The following LRRK1 variants were observed in gnomAD, a reference collection of about 807,000 sequenced individuals.
The protein encoded by LRRK1 is leucine-rich repeat serine/threonine-protein kinase 1.
In LRRK1, 113 loss-of-function variants were observed where a neutral mutation model predicts 209.1. The observed-to-expected ratio is 0.54, with a 90% CI of 0.46 to 0.63. The LOEUF (loss-of-function observed/expected upper bound fraction) is 0.63, where lower values mean the gene tolerates loss of function less well. Ranked by LOEUF, LRRK1 falls within the 30% of genes least tolerant of loss-of-function variation. LRRK1 has a pLI of 0.00. For missense variants in LRRK1, 2,284 were observed against 2,632.2 expected (o/e 0.87, Z 2.89); for synonymous variants, 1,144 against 1,099.7 (o/e 1.04, Z -0.80).
chr15:100,938,908 A>G (rs935988467), intron 2 of LRRK1, among the ~76,000 whole-genome samples: 5 of 151,978 alleles, frequency 3.3e-5, no homozygotes, highest in Non-Finnish European at 5.9e-5. Context: ...CCTGACTAAC[A>G]TGGAGAAACC....
chr15:101,061,186 G>T lies in LRRK1; in HGVS notation c.4695G>T (p.Val1565=), dbSNP rs368629610. 1.2e-6 allele frequency: 2 copies of T among 1,613,858 alleles called. No homozygotes were observed. Among genetic ancestry groups the T allele is most frequent in the Non-Finnish European group, 1.7e-6 (2 of 1,179,806 alleles). Residue 1565 remains valine, a synonymous_variant, in exon 30 of 34, where the codon GTG becomes GTT. Transcript: ENST00000388948. Reference sequence around the variant, plus strand: ...CCACTTACAGGAACTACACGGTGGTGAACACAGAGAAGGGCCTCATGGAGG... The same window carrying T: ...CCACTTACAGGAACTACACGGTGGTTAACACAGAGAAGGGCCTCATGGAGG... ...GKEESRNYTV[V]NTEKGLMEVQ...
intron 2 of LRRK1, among the ~76,000 whole-genome samples, chr15:100,941,257 T>C (rs1340577302): frequency 2.6e-5 from 4 of 151,402 alleles, no homozygotes; most frequent in African/African-American, 9.7e-5. Flanking sequence ...TCTGTGTGTG[T>C]GTCTGTGTCT....
At chr15:101,043,232 C>T (rs1049003035) in intron 20 of LRRK1, among the ~76,000 whole-genome samples, 2 of 152,214 alleles carry the variant, frequency 1.3e-5, no homozygotes, top group African/African-American at 4.8e-5. Context: ...ACAGTGAGGC[C>T]AGAGACCCGG....
intron 3 of LRRK1, among the ~76,000 whole-genome samples, chr15:100,975,349 G>A (rs915967731): frequency 6.6e-6 from 1 of 152,220 alleles, no homozygotes; most frequent in Non-Finnish European, 1.5e-5. Context: ...ATCATGGAGA[G>A]ACCTGAGAGC....
intron 31 of LRRK1, among the ~76,000 whole-genome samples, chr15:101,063,394 C>G (rs1445984142): frequency 1.3e-5 from 2 of 152,218 alleles, no homozygotes; most frequent in African/African-American, 4.8e-5. Flanking sequence ...AACAGCCCCT[C>G]CACGCACCTC....
At chr15:101,008,094 G>T (rs2033047756) in intron 6 of LRRK1, among the ~76,000 whole-genome samples, 1 of 135,734 alleles carries the variant, frequency 7.4e-6, no homozygotes, top group Admixed American at 8.5e-5. Flanking sequence ...AGTGAGCCGA[G>T]ATCGCACCAC....
At chr15:101,007,991 T>A (rs2141690132) in intron 6 of LRRK1, among the ~76,000 whole-genome samples, 1 of 151,782 alleles carries the variant, frequency 6.6e-6, no homozygotes, top group Non-Finnish European at 1.5e-5. Flanking sequence ...ACACCGTCTC[T>A]AATAAAAACA....
At chr15:101,012,731 C>T (rs902516334) in intron 10 of LRRK1, among the ~76,000 whole-genome samples, 3 of 152,136 alleles carry the variant, frequency 2.0e-5, no homozygotes, top group African/African-American at 7.2e-5. Flanking sequence ...CCTGGTGCAG[C>T]CTCTTGTGTG....
chr15:101,007,959 T>G (rs2033040015), intron 6 of LRRK1, among the ~76,000 whole-genome samples: 1 of 151,832 alleles, frequency 6.6e-6, no homozygotes, highest in Admixed American at 6.6e-5. Context: ...GAGACCAGCC[T>G]GAGCTCGACG....
chr15:100,955,494 T>A lies in LRRK1; in HGVS notation c.98-18310T>A, dbSNP rs991174500. ...TCTTATTTGGATGTCTTTTATTTCT[T>A]TTTCTTACCTAATTTCTCTGGCTAG... On this transcript the variant is annotated intron_variant, in intron 2 of 33. Transcript: ENST00000388948. 1.6e-4 allele frequency among the ~76,000 whole-genome samples: 25 copies of A among 152,302 alleles called. 2 individuals carry two copies. The highest frequency in any genetic ancestry group is 7.8e-4 in the Admixed American group (12 of 15,296).
intron 2 of LRRK1, among the ~76,000 whole-genome samples, chr15:100,939,286 G>A (rs2042358937): frequency 6.6e-6 from 1 of 152,038 alleles, no homozygotes; most frequent in Non-Finnish European, 1.5e-5. Context: ...TTTCATTGCA[G>A]TTTCTTTTGT....
intron 31 of LRRK1, chr15:101,064,886 T>C: frequency 1.4e-5 from 2 of 138,926 alleles, no homozygotes; most frequent in Non-Finnish European, 1.6e-5. Context: ...GTGGGGGGGG[T>C]GGCAGGCAGG....
Position 101,068,956 on chromosome 15 carries a change from T to TTC in LRRK1, c.*111_*112dup. The TTC allele has an allele frequency of 8.8e-7, 1 of 1,141,252 alleles. No individual in the cohort carries two copies. The highest frequency in any genetic ancestry group is 1.2e-6 in the Non-Finnish European group (1 of 822,948). The allele number at this position is 1,141,252 out of a possible 1,614,324, so 70.7% of individuals were successfully genotyped here. On this transcript the variant is annotated 3_prime_UTR_variant, in exon 34 of 34. Transcript: ENST00000388948. ...CCAAGGACCTAGAAGACAGATGGAGTTCTCCCCTGAACTCCTTGCTGCTAA... is the reference window on the plus strand; with the variant it reads ...CCAAGGACCTAGAAGACAGATGGAGTTCTCTCCCCTGAACTCCTTGCTGCTAA...
chr15:100,943,032 G>T (rs982859527), intron 2 of LRRK1, among the ~76,000 whole-genome samples: 1 of 152,150 alleles, frequency 6.6e-6, no homozygotes, highest in Non-Finnish European at 1.5e-5. Flanking sequence ...ACTCAGAAGT[G>T]ACTTAATAAA....
At chr15:100,955,531 G>A (rs572742238) in intron 2 of LRRK1, among the ~76,000 whole-genome samples, 1 of 152,218 alleles carries the variant, frequency 6.6e-6, no homozygotes, top group East Asian at 1.9e-4. Context: ...ACTTCTAGTA[G>A]AAGTGGCAAG....
chr15:101,014,484 C>T (rs2033434271), intron 11 of LRRK1, 56 bp downstream of exon 11: 8 of 1,167,090 alleles, frequency 6.9e-6, no homozygotes, highest in Admixed American at 1.8e-5. Context: ...GGGCCACGGT[C>T]GAGCAGGTCC....
chr15:100,938,376 T>A (rs1325670045), intron 2 of LRRK1, among the ~76,000 whole-genome samples: 1 of 152,166 alleles, frequency 6.6e-6, no homozygotes, highest in Non-Finnish European at 1.5e-5. Flanking sequence ...TGTGTAATGA[T>A]CAAATAAGGA....
rs2036928367 is a variant in LRRK1, at chr15:101,074,924, T to A, written c.*6076T>A. ...TGGAAATCGGACTGTCCAACTCACC[T>A]GGCAGCCACTCCCAGAGCCCCTGGA... On this transcript the variant is annotated 3_prime_UTR_variant, in exon 34 of 34. Coordinates refer to ENST00000388948, the MANE Select transcript of LRRK1 (RefSeq NM_024652.6). 2.0e-5 allele frequency: 3 copies of A among 151,058 alleles called. No individual in the cohort carries two copies. In the South Asian group the frequency reaches 6.3e-4, roughly 32 times the overall value. The allele number at this position is 151,058 out of a possible 1,614,324, so 9.4% of individuals were successfully genotyped here.
chr15:101,051,219 G>A (rs113309741), intron 23 of LRRK1, among the ~76,000 whole-genome samples: 2,366 of 152,368 alleles, frequency 0.016, 65 homozygotes, highest in African/African-American at 0.054. Flanking sequence ...TCTCAGAGGC[G>A]TGGGGGAATC....
Sources: allele counts gnomAD v4.1 joint callset (sites outside exome capture counted in the v4.1 genomes callset), GRCh38; gene constraint gnomAD v4.1.1; transcripts MANE v1.5; gene names NCBI Gene and HGNC (gene_info 2026-07-23, HGNC 2026-07-21).